RAB27B: variants seen among roughly 807,000 people sequenced by gnomAD.
RAB27B encodes RAB27B, member RAS oncogene family.
A neutral mutation model predicts 24.6 loss-of-function variants in RAB27B; 15 were observed. The observed-to-expected ratio is 0.61, with a 90% confidence interval of 0.41 to 0.94. RAB27B has a LOEUF of 0.94. RAB27B is among the 40% of genes least tolerant of loss of function. The probability of loss-of-function intolerance (pLI) is 0.00; values close to 1 mark genes in which losing one functional copy is unlikely to be tolerated. For missense variants in RAB27B, 261 were observed against 266.8 expected, an observed-to-expected ratio of 0.98 and a Z score of 0.15; for synonymous variants, 105 against 92.5, an observed-to-expected ratio of 1.14 and a Z score of -0.78.
chr18:54,848,819 A>G (rs1294696867), intron 1 of RAB27B, among the ~76,000 whole-genome samples: 1 of 152,170 alleles, frequency 6.6e-6, no homozygotes, highest in Non-Finnish European at 1.5e-5. Context: ...AAAGTAATGT[A>G]AACTCTTTAA....
intron 1 of RAB27B, among the ~76,000 whole-genome samples, chr18:54,842,028 T>C (rs1271694761): frequency 6.6e-6 from 1 of 152,170 alleles, no homozygotes; most frequent in Non-Finnish European, 1.5e-5. Context: ...CATGAACATG[T>C]GTGTGTGACT....
At chr18:54,850,466 G>C (rs1911536530) in intron 1 of RAB27B, among the ~76,000 whole-genome samples, 1 of 150,584 alleles carries the variant, frequency 6.6e-6, no homozygotes, top group African/African-American at 2.4e-5. Context: ...CTGCCTCCCA[G>C]GTTCAAGTGA....
At chr18:54,738,210 C>T (rs1277546004) in intron 2 of RAB27B, among the ~76,000 whole-genome samples, 2 of 152,126 alleles carry the variant, frequency 1.3e-5, no homozygotes, top group East Asian at 1.9e-4. Context: ...CCTTTGAATA[C>T]ATTGCTTACA....
At position 54,892,353 on chromosome 18, in the gene RAB27B, G is replaced by A. The variant is rs1913402379; in HGVS notation, c.*2940G>A. 1 of 151,954 alleles carries A rather than the reference G, an allele frequency of 6.6e-6. No homozygotes were observed. Among genetic ancestry groups the A allele is most frequent in the South Asian group, 2.1e-4 (1 of 4,816 alleles). The allele number at this position is 151,954 out of a possible 1,614,324, so 9.4% of individuals were successfully genotyped here. A position where few individuals can be genotyped will look rare whatever the true frequency, so the allele number is the denominator to read the frequency against. ...TTCCTATAATGTTATATCATAGGAAGCCCTCACAGAGACACTAACACAGCT... is the reference window on the plus strand; with the variant it reads ...TTCCTATAATGTTATATCATAGGAAACCCTCACAGAGACACTAACACAGCT... On this transcript the variant is annotated 3_prime_UTR_variant, in exon 6 of 6. Transcript: ENST00000262094.
At chr18:54,885,401 A>T (rs1403031215) in intron 4 of RAB27B, among the ~76,000 whole-genome samples, 1 of 152,140 alleles carries the variant, frequency 6.6e-6, no homozygotes, top group Non-Finnish European at 1.5e-5. Context: ...GGTCACTGTG[A>T]TGATGTCTGG....
chr18:54,728,784 G>C (rs1232064467), intron 2 of RAB27B, among the ~76,000 whole-genome samples: 3 of 142,500 alleles, frequency 2.1e-5, no homozygotes, highest in Non-Finnish European at 4.5e-5. Context: ...TCTTAGGCAG[G>C]AGAATTGCTT....
At position 54,890,426 on chromosome 18, in the gene RAB27B, T is replaced by C. The variant is rs530517018; in HGVS notation, c.*1013T>C. On this transcript the variant is annotated 3_prime_UTR_variant, in exon 6 of 6. Coordinates refer to ENST00000262094, the MANE Select transcript of RAB27B (RefSeq NM_004163.4). ...AAACTAGCCTTGAATTTTTTTTAGA[T>C]AAAATAAGATGGTGATATGAAACAA... is the stretch of plus-strand genomic sequence containing the variant. 1.3e-5 allele frequency: 2 copies of C among 152,294 alleles called. No individual in the cohort carries two copies. Among genetic ancestry groups the C allele is most frequent in the African/African-American group, 4.8e-5 (2 of 41,568 alleles). The allele number at this position is 152,294 out of a possible 1,614,324, so 9.4% of individuals were successfully genotyped here.
intron 2 of RAB27B, among the ~76,000 whole-genome samples, chr18:54,822,723 A>G (rs1054466115): frequency 6.6e-6 from 1 of 152,174 alleles, no homozygotes; most frequent in Non-Finnish European, 1.5e-5. Flanking sequence ...TTTAAAATTG[A>G]TTAAACAATG....
In RAB27B at chr18:54,722,295, T is replaced by C. The variant is rs190995725; in HGVS notation, c.-20+4154T>C. Among the ~76,000 whole-genome samples the C allele has an allele frequency of 2.9e-4, 44 of 152,316 alleles. No homozygotes were observed. In the East Asian group the frequency reaches 7.7e-3, roughly 27 times the overall value. On this transcript the variant is annotated intron_variant, in intron 2 of 4. Coordinates refer to the RAB27B transcript ENST00000586570. ...AGAAAAAGAAAGAATTGTTTCCGAA[T>C]CTTCTAAAGAGCAAGCCTCAGCTAG... is the stretch of plus-strand genomic sequence containing the variant.
At chr18:54,776,151 G>A (rs550962038) in intron 2 of RAB27B, among the ~76,000 whole-genome samples, 3 of 152,380 alleles carry the variant, frequency 2.0e-5, no homozygotes, top group Admixed American at 1.3e-4. Context: ...AAAGTAGCCT[G>A]TTAGTGTTTC....
chr18:54,755,067 G>T (rs931742862), intron 2 of RAB27B, among the ~76,000 whole-genome samples: 47 of 152,088 alleles, frequency 3.1e-4, no homozygotes, highest in African/African-American at 1.1e-3. Flanking sequence ...TTGGCACTTT[G>T]GAAATGCTTG....
intron 2 of RAB27B, among the ~76,000 whole-genome samples, chr18:54,718,313 C>T (rs1332501756): frequency 2.0e-5 from 3 of 151,932 alleles, no homozygotes; most frequent in Admixed American, 2.0e-4. Context: ...TGAAACTCTA[C>T]TTTGGAGTGG....
chr18:54,834,688 T>C (rs1598942294), intron 1 of RAB27B, among the ~76,000 whole-genome samples: 1 of 151,992 alleles, frequency 6.6e-6, no homozygotes, highest in East Asian at 1.9e-4. Context: ...TATATGTGTG[T>C]GTGTGTGTGT....
rs1347019730 is a variant in RAB27B at position 54,831,957 on chromosome 18, G to A, written c.-20+3257G>A. Among the ~76,000 whole-genome samples, 3 of 152,222 alleles carry A rather than the reference G, an allele frequency of 2.0e-5. No homozygotes were observed. In the East Asian group the frequency reaches 5.8e-4, roughly 29 times the overall value. On this transcript the variant is annotated intron_variant, in intron 1 of 5. Coordinates refer to ENST00000262094, the MANE Select transcript of RAB27B (RefSeq NM_004163.4). ...TGCCCAGCTAATTTTTCTATTTTTA[G>A]TTGAGACGGGGTTTCACCATGTTGG...
At chr18:54,852,915 A>G (rs1911642050) in intron 1 of RAB27B, among the ~76,000 whole-genome samples, 1 of 152,284 alleles carries the variant, frequency 6.6e-6, no homozygotes, top group East Asian at 1.9e-4. Context: ...TGCAGGATGT[A>G]GACACAGACC....
At chr18:54,804,922 CTTTCTT>C (rs1909737276) in intron 2 of RAB27B, among the ~76,000 whole-genome samples, 1 of 68,994 alleles carries the variant, frequency 1.4e-5, no homozygotes, top group Non-Finnish European at 3.6e-5. Flanking sequence ...TTCTTTCTTT[CTTTCTT>C]TCTTTCTTTC....
intron 2 of RAB27B, among the ~76,000 whole-genome samples, chr18:54,800,553 T>G (rs1206547147): frequency 6.6e-6 from 1 of 152,236 alleles, no homozygotes; most frequent in East Asian, 1.9e-4. Context: ...ATTACAACTA[T>G]TCATCTCTTG....
intron 2 of RAB27B, among the ~76,000 whole-genome samples, chr18:54,817,600 C>G (rs1263166209): frequency 2.0e-5 from 3 of 152,046 alleles, no homozygotes; most frequent in Non-Finnish European, 4.4e-5. Flanking sequence ...AGCCATCTAT[C>G]CAAGTATACC....
intron 2 of RAB27B, among the ~76,000 whole-genome samples, chr18:54,823,376 C>T (rs1910370934): frequency 6.6e-6 from 1 of 152,044 alleles, no homozygotes; most frequent in Non-Finnish European, 1.5e-5. Flanking sequence ...TCCCTGCAAT[C>T]GCAAGAGAAG....
Sources: gnomAD v4.1 joint callset for allele counts (sites outside exome capture counted in the v4.1 genomes callset) on GRCh38, gnomAD v4.1.1 for gene constraint, MANE v1.5 for transcripts, NCBI Gene and HGNC (gene_info 2026-07-23, HGNC 2026-07-21) for gene names.